Variants in SRA1 observed in about 807,000 individuals in gnomAD.
SRA1 encodes steroid receptor RNA activator 1.
In SRA1, 25 loss-of-function variants were observed where a neutral mutation model predicts 24.3. The observed-to-expected ratio is 1.03, with a 90% CI of 0.75 to 1.43. The LOEUF is 1.43. Among genes scored for constraint, SRA1 ranks in the 40% most tolerant of loss-of-function variants. The pLI is 0.00. For missense variants in SRA1, 303 were observed against 286.6 expected (o/e 1.06, Z -0.41); for synonymous variants, 104 against 109.5 (o/e 0.95, Z 0.31).
Position 140,550,539 on chromosome 5 carries a change from A to G in SRA1, c.*161T>C. 1 of 672,068 alleles carries G rather than the reference A, an allele frequency of 1.5e-6. No individual in the cohort carries two copies. The highest frequency in any genetic ancestry group is 1.8e-5 in the African/African-American group (1 of 55,648). 41.6% of individuals were successfully genotyped at this position (672,068 alleles called of 1,614,324 possible). A position where few individuals can be genotyped will look rare whatever the true frequency, so the allele number is the denominator to read the frequency against. ...AGATGTTTTTATTGAAATGCATGTT[A>G]TGAGTAACACATGAACTCCCTCTGG... On this transcript the variant is annotated 3_prime_UTR_variant, in exon 5 of 5. Transcript: ENST00000336283.
In SRA1 at chr5:140,557,418, C is replaced by T. The variant is rs202047310; in HGVS notation, c.25+10G>A. 1.6e-5 allele frequency: 25 copies of T among 1,579,312 alleles called. No individual in the cohort carries two copies. The South Asian group carries it at 2.0e-4, about 13-fold the overall frequency. ...ACAACCTAGTGCCCTAGCCCGCCGG[C>T]TGCGCTCACCCGGCTTCACGTACAG... On this transcript the variant is annotated intron_variant, in intron 1 of 4. Transcript: ENST00000336283.
rs1353301917 is a variant in SRA1, at chr5:140,552,102, C to T, written c.234G>A (p.Val78=). 8 of 1,613,616 alleles carry T rather than the reference C, an allele frequency of 5.0e-6. No individual in the cohort carries two copies. Among genetic ancestry groups the T allele is most frequent in the South Asian group, 1.1e-5 (1 of 90,972 alleles). The change falls in exon 3 of 5, where the codon GTG becomes GTA. Residue 78 remains valine (V), a synonymous_variant. Transcript: ENST00000336283. ...CCACGCCAGAGGCAGGACCACTCCC[C>T]ACAGGTGGGGACCTGGGAGCCTTAC... The part of the protein sequence containing the change: ...PSSKAPRSPP[V]GSGPASGVEP...
Position 140,551,053 on chromosome 5 carries a change from ACC to A in SRA1, c.463+6_463+7del. On this transcript the variant is annotated splice_donor_region_variant and intron_variant, in intron 4 of 4. Transcript: ENST00000336283. ...GGATTTAGGCTATACCAAAGAACCC[ACC>A]CATACCTTGCACCAGTAGAGCCATT... 1 of 1,610,148 alleles carries A rather than the reference ACC, an allele frequency of 6.2e-7. No individual in the cohort carries two copies. Among genetic ancestry groups the A allele is most frequent in the Non-Finnish European group, 8.5e-7 (1 of 1,176,456 alleles).
chr5:140,552,366 C>G (rs1754589676), intron 2 of SRA1, among the ~76,000 whole-genome samples, 182 bp from the exon 3 acceptor site: 1 of 152,128 alleles, frequency 6.6e-6, no homozygotes, highest in Non-Finnish European at 1.5e-5. Flanking sequence ...AAAAGTAAAC[C>G]AGGTGGCCGG....
chr5:140,553,028 A>G (rs545974027), intron 2 of SRA1, among the ~76,000 whole-genome samples: 1 of 152,224 alleles, frequency 6.6e-6, no homozygotes, highest in Non-Finnish European at 1.5e-5. Context: ...CTAAGTGTTC[A>G]AGGAAGGCCT....
rs772669673 is a variant in SRA1 at position 140,550,850 on chromosome 5, A to G, written c.525T>C (p.His175=). The change falls in exon 5 of 5, where the codon CAT becomes CAC. Residue 175 remains histidine (H), a synonymous_variant. Coordinates refer to ENST00000336283, the MANE Select transcript of SRA1 (RefSeq NM_001035235.4). ...DDIHRSLMVD[H]VTEVSQWMVG... Reference sequence around the variant, plus strand: ...CCATCCACTGACTGACCTCAGTCACATGGTCAACCATGAGGGAGCGGTGGA... The same window carrying G: ...CCATCCACTGACTGACCTCAGTCACGTGGTCAACCATGAGGGAGCGGTGGA... 4 of 1,614,142 alleles carry G rather than the reference A, an allele frequency of 2.5e-6. No homozygotes were observed. The highest frequency in any genetic ancestry group is 2.7e-5 in the African/African-American group (2 of 75,024).
Position 140,552,142 on chromosome 5 carries a change from G to A in SRA1, c.194C>T (p.Pro65Leu). 6.2e-7 allele frequency: 1 copy of A among 1,610,814 alleles called. No individual in the cohort carries two copies. Among genetic ancestry groups the A allele is most frequent in the Non-Finnish European group, 8.5e-7 (1 of 1,178,504 alleles). Residue 65 changes from proline to leucine, a missense_variant, in exon 3 of 5, where the codon CCT (proline) becomes CTT (leucine). Pro to Leu is a moderately conservative substitution (Grantham distance 98). Coordinates refer to ENST00000336283, the MANE Select transcript of SRA1 (RefSeq NM_001035235.4). Reference sequence around the variant, plus strand: ...GGGAGCCTTACTTGAAGGAGGTGGAGGCCCCATTGGGGGAGGCCCAGGAGA... The same window carrying A: ...GGGAGCCTTACTTGAAGGAGGTGGAAGCCCCATTGGGGGAGGCCCAGGAGA... Reference protein sequence around the residue: ...ETSPGPPPMGPPPPSSKAPRS... With the variant: ...ETSPGPPPMGLPPPSSKAPRS...
At chr5:140,552,780 C>T (rs554849429) in intron 2 of SRA1, among the ~76,000 whole-genome samples, 6 of 152,030 alleles carry the variant, frequency 3.9e-5, no homozygotes, top group Admixed American at 1.3e-4. Flanking sequence ...AACCAGCCTA[C>T]GCAATATAGT....
chr5:140,557,848 C>T, upstream of SRA1: 1 of 296,284 alleles, frequency 3.4e-6, no homozygotes. Context: ...GGTAGCCTCA[C>T]TAGTACTCAT....
chr5:140,554,565 CTT>C (rs202057984), intron 2 of SRA1, among the ~76,000 whole-genome samples: 196 of 150,180 alleles, frequency 1.3e-3, no homozygotes, highest in African/African-American at 4.2e-3. Context: ...CCTAGCCTCT[CTT>C]GTCTTCTCTA....
chr5:140,551,386 A>G (rs1410947274), intron 3 of SRA1: 9 of 514,908 alleles, frequency 1.7e-5, no homozygotes, highest in Non-Finnish European at 1.0e-5. Flanking sequence ...ATTGAAAAGT[A>G]GAGGTCATTA....
At chr5:140,552,944 A>G (rs1754605069) in intron 2 of SRA1, among the ~76,000 whole-genome samples, 1 of 152,244 alleles carries the variant, frequency 6.6e-6, no homozygotes, top group African/African-American at 2.4e-5. Flanking sequence ...ACACAAAATT[A>G]CTAAATTATG....
rs2127123078 is a variant in SRA1, at chr5:140,557,199, C to A, written c.99G>T (p.Arg33Ser). Residue 33 changes from arginine (R) to serine (S), a missense_variant, in exon 2 of 5, where the codon AGG becomes AGT. Coordinates refer to ENST00000336283, the MANE Select transcript of SRA1 (RefSeq NM_001035235.4). ...CGACCCTCTTGGTAAGCAGCGAGCG[C>A]CTGGGTCCGCCGGCCTGGGTCTGCA... ...YGLQTQAGGP[R>S]RSLLTKRVAA... The A allele has an allele frequency of 6.2e-7, 1 of 1,613,174 alleles. No individual in the cohort carries two copies. Among genetic ancestry groups the A allele is most frequent in the Middle Eastern group, 1.7e-4 (1 of 6,060 alleles).
At position 140,550,108 on chromosome 5, in the gene SRA1, C is replaced by T. The variant is rs1426238645; in HGVS notation, c.*592G>A. On this transcript the variant is annotated 3_prime_UTR_variant, in exon 5 of 5. Transcript: ENST00000336283. ...TTTGGCAAGTCAGAGTTACAATCCC[C>T]AATCTCAGTAATCTGGTCTTTTTCT... 1.3e-5 allele frequency: 2 copies of T among 155,388 alleles called. No individual in the cohort carries two copies. Among genetic ancestry groups the T allele is most frequent in the African/African-American group, 4.8e-5 (2 of 41,460 alleles). The allele number at this position is 155,388 out of a possible 1,614,324, so 9.6% of individuals were successfully genotyped here.
intron 2 of SRA1, among the ~76,000 whole-genome samples, chr5:140,556,878 C>CA (rs1303364886): frequency 6.6e-6 from 1 of 152,022 alleles, no homozygotes; most frequent in African/African-American, 2.4e-5. Flanking sequence ...AAAATAACTT[C>CA]AGGATTAAAA....
intron 1 of SRA1, 31 bp downstream of exon 1, chr5:140,557,397 C>T: frequency 6.3e-7 from 1 of 1,590,690 alleles, no homozygotes; most frequent in Non-Finnish European, 8.5e-7. Flanking sequence ...GGGGCGACAA[C>T]CTAGTGCCCT....
rs1361257465 is a variant in SRA1 at position 140,550,815 on chromosome 5, T to C, written c.560A>G (p.Lys187Arg). The C allele has an allele frequency of 1.6e-5, 26 of 1,614,152 alleles. No individual in the cohort carries two copies. The highest frequency in any genetic ancestry group is 2.1e-5 in the Non-Finnish European group (25 of 1,180,016). ...TEVSQWMVGV[K>R]RLIAEKRSLF... ...ACTCCTCTTTTCTGCAATTAATCTT[T>C]TAACTCCTACCATCCACTGACTGAC... is the stretch of plus-strand genomic sequence containing the variant. The change falls in exon 5 of 5, where the codon AAA becomes AGA. Residue 187 changes from lysine (K) to arginine (R), a missense_variant. Physicochemically the swap from Lys to Arg is conservative, Grantham distance 26 (BLOSUM62 2). Coordinates refer to ENST00000336283, the MANE Select transcript of SRA1 (RefSeq NM_001035235.4).
chr5:140,557,420 G>GCGCTCACCCGGCTT lies in SRA1; in HGVS notation c.19_25+7dup. On this transcript the variant is annotated splice_region_variant and intron_variant, in intron 1 of 4. Coordinates refer to ENST00000336283, the MANE Select transcript of SRA1 (RefSeq NM_001035235.4). Reference sequence around the variant, plus strand: ...AACCTAGTGCCCTAGCCCGCCGGCTGCGCTCACCCGGCTTCACGTACAGCT... The same window carrying GCGCTCACCCGGCTT: ...AACCTAGTGCCCTAGCCCGCCGGCTGCGCTCACCCGGCTTCGCTCACCCGGCTTCACGTACAGCT... 6.3e-7 allele frequency: 1 copy of GCGCTCACCCGGCTT among 1,576,822 alleles called. No individual in the cohort carries two copies. The highest frequency in any genetic ancestry group is 8.6e-7 in the Non-Finnish European group (1 of 1,163,222).
At chr5:140,556,431 T>C (rs1389852754) in intron 2 of SRA1, among the ~76,000 whole-genome samples, 3 of 152,244 alleles carry the variant, frequency 2.0e-5, no homozygotes, top group Non-Finnish European at 4.4e-5. Flanking sequence ...CACTATGCTG[T>C]AGCCAGCCAC....
Sources: allele counts gnomAD v4.1 joint callset (sites outside exome capture counted in the v4.1 genomes callset), GRCh38; gene constraint gnomAD v4.1.1; transcripts MANE v1.5; gene names NCBI Gene and HGNC (gene_info 2026-07-23, HGNC 2026-07-21).